Variants in ASTN2 observed in about 807,000 individuals in gnomAD.
ASTN2 encodes the protein astrotactin-2.
In ASTN2, 54 loss-of-function variants were observed where a neutral mutation model predicts 139.8. That is an observed-to-expected ratio of 0.39 (90% CI 0.31 to 0.48). ASTN2 has a LOEUF of 0.48. ASTN2 is among the 20% of genes least tolerant of loss of function. The pLI is 0.95. For synonymous variants in ASTN2, 756 were observed against 719.5 expected (o/e 1.05, Z -0.81); for missense variants, 1,565 against 1,725.1 (o/e 0.91, Z 1.64).
chr9:117,338,792 A>C (rs1382648163), intron 1 of ASTN2, among the ~76,000 whole-genome samples: 1 of 152,020 alleles, frequency 6.6e-6, no homozygotes, highest in Non-Finnish European at 1.5e-5. Flanking sequence ...AAAAAATGCA[A>C]TAACTTTTGC....
chr9:116,680,840 C>T lies in ASTN2; in HGVS notation c.2807-29047G>A, dbSNP rs1001760427. On this transcript the variant is annotated intron_variant, in intron 16 of 22. Coordinates refer to ENST00000313400, the MANE Select transcript of ASTN2 (RefSeq NM_001365068.1). Reference sequence around the variant, plus strand: ...AATTCAACAACCTTCATGCTAAAAACTCTCAATAAATTAGGTATTGATGGG... The same window carrying T: ...AATTCAACAACCTTCATGCTAAAAATTCTCAATAAATTAGGTATTGATGGG... Among the ~76,000 whole-genome samples, 102 of 152,282 alleles carry T rather than the reference C, an allele frequency of 6.7e-4. 1 individual carries two copies. The highest frequency in any genetic ancestry group is 2.4e-3 in the African/African-American group (101 of 41,560).
At chr9:117,150,098 T>G (rs1030260953) in intron 3 of ASTN2, among the ~76,000 whole-genome samples, 2 of 152,156 alleles carry the variant, frequency 1.3e-5, no homozygotes, top group African/African-American at 4.8e-5. Context: ...GTTTGAATGA[T>G]GGAATTAAAT....
chr9:116,919,634 A>G (rs1408845229), intron 10 of ASTN2, among the ~76,000 whole-genome samples: 1 of 149,128 alleles, frequency 6.7e-6, no homozygotes, highest in Non-Finnish European at 1.5e-5. Flanking sequence ...TGTTTACAAA[A>G]ACATCATTTT....
intron 19 of ASTN2, among the ~76,000 whole-genome samples, chr9:116,541,172 A>G (rs1476107311): frequency 2.0e-5 from 3 of 152,200 alleles, no homozygotes; most frequent in African/African-American, 7.2e-5. Context: ...ACTCTTTTCT[A>G]TCATAAAATT....
rs1170260019 is a variant in ASTN2 at position 116,632,252 on chromosome 9, GGAAA to G, written c.3073-11813_3073-11810del. 9.8e-3 allele frequency among the ~76,000 whole-genome samples: 695 copies of G among 70,876 alleles called. 13 individuals are homozygous for G. The highest frequency in any genetic ancestry group is 0.028 in the Admixed American group (200 of 7,032). 46.5% of individuals were successfully genotyped at this position (70,876 alleles called of 152,430 possible). ...AAGAAAGAAAGAAAGAAAGAAAGAAGGAAAGAAAGAAAGAAAGAAAGAAAGAAAG... is the reference window on the plus strand; with the variant it reads ...AAGAAAGAAAGAAAGAAAGAAAGAAGGAAAGAAAGAAAGAAAGAAAGAAAG... On this transcript the variant is annotated intron_variant, in intron 17 of 22. Coordinates refer to ENST00000313400, the MANE Select transcript of ASTN2 (RefSeq NM_001365068.1).
intron 20 of ASTN2, among the ~76,000 whole-genome samples, chr9:116,484,666 A>T (rs894339160): frequency 6.6e-6 from 1 of 152,170 alleles, no homozygotes; most frequent in Non-Finnish European, 1.5e-5. Flanking sequence ...GGCCATTAAC[A>T]TCATCCATTT....
chr9:116,567,645 A>G (rs1248201814), intron 19 of ASTN2, among the ~76,000 whole-genome samples: 1 of 152,196 alleles, frequency 6.6e-6, no homozygotes, highest in East Asian at 1.9e-4. Flanking sequence ...AAGGCAGAAG[A>G]CAGCAAGACC....
At chr9:116,897,512 C>T (rs1372285500) in intron 10 of ASTN2, among the ~76,000 whole-genome samples, 1 of 152,158 alleles carries the variant, frequency 6.6e-6, no homozygotes, top group African/African-American at 2.4e-5. Flanking sequence ...TGAACATACA[C>T]ACAAAGATGT....
chr9:116,425,479 A>ATGGCAGGAAGAAAGCAGAGTG lies in ASTN2; in HGVS notation c.*351_*371dup. The stretch of plus-strand genomic sequence containing the variant: ...CTCCATAGGTCTCCTCCAGGGGTCC[A>ATGGCAGGAAGAAAGCAGAGTG]TGGCAGGAAGAAAGCAGAGTGTGGC... On this transcript the variant is annotated 3_prime_UTR_variant, in exon 23 of 23. Coordinates refer to ENST00000313400, the MANE Select transcript of ASTN2 (RefSeq NM_001365068.1). 7.4e-7 allele frequency: 1 copy of ATGGCAGGAAGAAAGCAGAGTG among 1,347,084 alleles called. No individual in the cohort carries two copies. The highest frequency in any genetic ancestry group is 1.1e-6 in the Non-Finnish European group (1 of 951,446). The allele number at this position is 1,347,084 out of a possible 1,614,324, so 83.4% of individuals were successfully genotyped here.
chr9:117,055,354 T>C (rs898476471), intron 5 of ASTN2, among the ~76,000 whole-genome samples: 1 of 152,210 alleles, frequency 6.6e-6, no homozygotes, highest in African/African-American at 2.4e-5. Context: ...TAGAGGCTCA[T>C]GCCTGTAATC....
intron 1 of ASTN2, among the ~76,000 whole-genome samples, chr9:117,387,816 T>C (rs1256790151): frequency 1.3e-5 from 2 of 152,184 alleles, no homozygotes; most frequent in Non-Finnish European, 2.9e-5. Context: ...GTCATCACTT[T>C]TGCCAGGCAC....
At chr9:116,779,732 G>A (rs751385084) in intron 13 of ASTN2, among the ~76,000 whole-genome samples, 50 of 152,018 alleles carry the variant, frequency 3.3e-4, no homozygotes, top group Non-Finnish European at 5.9e-4. Context: ...TTTCCCCAAA[G>A]CCATGTGTTG....
intron 16 of ASTN2, among the ~76,000 whole-genome samples, chr9:116,714,371 T>A (rs1828254667): frequency 6.6e-6 from 1 of 152,206 alleles, no homozygotes; most frequent in Non-Finnish European, 1.5e-5. Flanking sequence ...CAGAAAAGGC[T>A]GTATCATTAT....
In ASTN2 at chr9:117,083,992, G is replaced by A. The variant is rs538370858; in HGVS notation, c.1276+12052C>T. Among the ~76,000 whole-genome samples the A allele has an allele frequency of 1.5e-3, 220 of 148,300 alleles. 1 individual carries two copies. The highest frequency in any genetic ancestry group is 5.0e-3 in the African/African-American group (201 of 40,136). On this transcript the variant is annotated intron_variant, in intron 5 of 22. Coordinates refer to ENST00000313400, the MANE Select transcript of ASTN2 (RefSeq NM_001365068.1). ...CCCTCATTTGCCAAGACTGCTTGACGTTTCTGTGGGTTTGGGTAGAAGTAG... is the reference window on the plus strand; with the variant it reads ...CCCTCATTTGCCAAGACTGCTTGACATTTCTGTGGGTTTGGGTAGAAGTAG...
At chr9:117,214,082 G>A (rs1379028803) in intron 3 of ASTN2, among the ~76,000 whole-genome samples, 1 of 152,128 alleles carries the variant, frequency 6.6e-6, no homozygotes, top group Non-Finnish European at 1.5e-5. Context: ...TGTCAAAGGA[G>A]GTAATCAAGA....
intron 6 of ASTN2, among the ~76,000 whole-genome samples, chr9:117,020,103 G>A (rs1276603932): frequency 6.6e-6 from 1 of 151,096 alleles, no homozygotes; most frequent in Non-Finnish European, 1.5e-5. Context: ...GTAATCAACT[G>A]GGCAGACTAG....
intron 5 of ASTN2, among the ~76,000 whole-genome samples, chr9:117,055,758 G>T (rs1839041324): frequency 1.3e-5 from 2 of 152,218 alleles, no homozygotes; most frequent in Admixed American, 1.3e-4. Flanking sequence ...AGGAAAGAGG[G>T]CAAGGGGACT....
chr9:116,459,667 T>C (rs745912945), intron 20 of ASTN2, among the ~76,000 whole-genome samples: 6 of 152,088 alleles, frequency 3.9e-5, no homozygotes, highest in Non-Finnish European at 7.4e-5. Context: ...TGACATCATG[T>C]TATTAGGAGA....
intron 2 of ASTN2, among the ~76,000 whole-genome samples, chr9:117,234,742 TGAGAGAG>T (rs907883224): frequency 1.3e-5 from 2 of 152,020 alleles, no homozygotes; most frequent in African/African-American, 4.8e-5. Context: ...ATGTCAAGGC[TGAGAGAG>T]GATGAGAGCC....
Sources: allele counts gnomAD v4.1 joint callset (sites outside exome capture counted in the v4.1 genomes callset), GRCh38; gene constraint gnomAD v4.1.1; transcripts MANE v1.5; gene names NCBI Gene and HGNC (gene_info 2026-07-23, HGNC 2026-07-21).